CYB5R4: variants seen among roughly 807,000 people sequenced by gnomAD.
CYB5R4 encodes the protein cytochrome b5 reductase 4.
In CYB5R4, 55 loss-of-function variants were observed where a neutral mutation model predicts 70.2. That is an observed-to-expected ratio of 0.78 (90% CI 0.63 to 0.98). The LOEUF is 0.98. Ranked by LOEUF, CYB5R4 falls within the 50% of genes least tolerant of loss-of-function variation. The pLI is 0.00. For synonymous variants in CYB5R4, 197 were observed against 199.5 expected (o/e 0.99, Z 0.11); for missense variants, 562 against 612.6 (o/e 0.92, Z 0.87).
chr6:83,918,160 GCTTA>G (rs1321999953), intron 6 of CYB5R4, 95 bp downstream of exon 6: 8 of 863,644 alleles, frequency 9.3e-6, no homozygotes, highest in African/African-American at 5.1e-5. Context: ...TTGATTTATT[GCTTA>G]CTGTTAGTCA....
intron 2 of CYB5R4, among the ~76,000 whole-genome samples, chr6:83,865,952 T>G (rs892752993): frequency 7.2e-5 from 11 of 152,212 alleles, no homozygotes; most frequent in African/African-American, 2.7e-4. Flanking sequence ...TTTGACATTT[T>G]ATAGGGTTTT....
At chr6:83,900,493 C>T (rs886927820) in intron 3 of CYB5R4, among the ~76,000 whole-genome samples, 1 of 152,144 alleles carries the variant, frequency 6.6e-6, no homozygotes, top group Non-Finnish European at 1.5e-5. Context: ...CCACTTGGTG[C>T]AGAGCTGAGT....
intron 14 of CYB5R4, among the ~76,000 whole-genome samples, chr6:83,952,627 T>A (rs1222021802): frequency 6.6e-6 from 1 of 152,110 alleles, no homozygotes. Context: ...TAACTAAAAA[T>A]AAACCCATTA....
At chr6:83,897,942 A>G (rs150049636) in intron 3 of CYB5R4, among the ~76,000 whole-genome samples, 1,919 of 151,980 alleles carry the variant, frequency 0.013, 44 homozygotes, top group African/African-American at 0.044. Context: ...ATTGCTTTTG[A>G]TGTTTTAGAC....
rs1225057301 is a variant in CYB5R4 at position 83,910,143 on chromosome 6, A to G, written c.412+1053A>G. 7 of 1,596,194 alleles carry G rather than the reference A, an allele frequency of 4.4e-6. No individual in the cohort carries two copies. The East Asian group carries it at 1.1e-4, about 25-fold the overall frequency. On this transcript the variant is annotated intron_variant, in intron 4 of 15. Coordinates refer to ENST00000369681, the MANE Select transcript of CYB5R4 (RefSeq NM_016230.4). The stretch of plus-strand genomic sequence containing the variant: ...ATAGTGGGCTGAGACATTACTTTCA[A>G]AGATTTCTTTTACTGTCACAGCACT...
Position 83,966,364 on chromosome 6 carries a change from GA to G in CYB5R4, c.*6490del, listed in dbSNP as rs2099474072. On this transcript the variant is annotated 3_prime_UTR_variant, in exon 16 of 16. Transcript: ENST00000369681. ...AGAGGAAATACATATTATATAAGAA[GA>G]AAAGAGTAAAAATAAATCTTTAAAA... The G allele has an allele frequency of 6.6e-6, 1 of 152,004 alleles. No homozygotes were observed. The highest frequency in any genetic ancestry group is 2.4e-5 in the African/African-American group (1 of 41,408). The allele number at this position is 152,004 out of a possible 1,614,324, so 9.4% of individuals were successfully genotyped here.
At chr6:83,903,172 T>A (rs2099463265) in intron 3 of CYB5R4, among the ~76,000 whole-genome samples, 1 of 152,138 alleles carries the variant, frequency 6.6e-6, no homozygotes, top group South Asian at 2.1e-4. Flanking sequence ...ATATGGCCTT[T>A]TATTATTTTG....
intron 3 of CYB5R4, among the ~76,000 whole-genome samples, chr6:83,895,733 A>G (rs1295330508): frequency 6.6e-6 from 1 of 152,170 alleles, no homozygotes; most frequent in Admixed American, 6.5e-5. Flanking sequence ...TTAAAACAAT[A>G]TTTACTAGAT....
chr6:83,880,795 A>T (rs2099459318), intron 2 of CYB5R4, among the ~76,000 whole-genome samples: 1 of 152,134 alleles, frequency 6.6e-6, no homozygotes, highest in Non-Finnish European at 1.5e-5. Flanking sequence ...CCTTTATCAC[A>T]TTCTGTTTAT....
intron 4 of CYB5R4, among the ~76,000 whole-genome samples, chr6:83,913,802 A>C (rs903433354): frequency 2.0e-4 from 30 of 152,164 alleles, no homozygotes; most frequent in African/African-American, 5.8e-4. Flanking sequence ...TTTGACTATA[A>C]TGGTATAACA....
intron 14 of CYB5R4, among the ~76,000 whole-genome samples, chr6:83,943,121 C>T (rs1381210923): frequency 4.6e-5 from 7 of 152,130 alleles, no homozygotes; most frequent in East Asian, 1.9e-4. Context: ...GCTAAGTGAC[C>T]GACTGCCTCC....
At chr6:83,867,983 G>A (rs1588558090) in intron 2 of CYB5R4, among the ~76,000 whole-genome samples, 1 of 152,172 alleles carries the variant, frequency 6.6e-6, no homozygotes, top group East Asian at 1.9e-4. Context: ...TCAGACCTCA[G>A]TTAGAACCTG....
chr6:83,946,025 AC>A (rs2099470558), intron 14 of CYB5R4, among the ~76,000 whole-genome samples: 1 of 152,206 alleles, frequency 6.6e-6, no homozygotes, highest in South Asian at 2.1e-4. Context: ...TCCTTCTGAA[AC>A]TATTCCAAAC....
chr6:83,951,913 G>A (rs1182154281), intron 14 of CYB5R4, among the ~76,000 whole-genome samples: 1 of 152,174 alleles, frequency 6.6e-6, no homozygotes, highest in East Asian at 1.9e-4. Context: ...GTGTAAAAGT[G>A]TTCCTGTTTC....
intron 2 of CYB5R4, among the ~76,000 whole-genome samples, chr6:83,868,763 G>A (rs2099457124): frequency 6.6e-6 from 1 of 152,180 alleles, no homozygotes; most frequent in African/African-American, 2.4e-5. Context: ...GAGTTCTTCT[G>A]TCAAGCCTAG....
chr6:83,876,635 C>G (rs138537830), intron 2 of CYB5R4, among the ~76,000 whole-genome samples: 8 of 151,888 alleles, frequency 5.3e-5, no homozygotes, highest in African/African-American at 1.9e-4. Flanking sequence ...TTTTCTGTGC[C>G]TTATGCTGTT....
At chr6:83,865,318 A>G (rs1013791105) in intron 2 of CYB5R4, among the ~76,000 whole-genome samples, 1 of 152,148 alleles carries the variant, frequency 6.6e-6, no homozygotes, top group Middle Eastern at 3.2e-3. Flanking sequence ...TTAATTTCCT[A>G]TGGATGCCGT....
At chr6:83,937,152 G>A (rs982589706) in intron 12 of CYB5R4, among the ~76,000 whole-genome samples, 2 of 152,084 alleles carry the variant, frequency 1.3e-5, no homozygotes, top group South Asian at 4.1e-4. Context: ...GCGGGCGCCT[G>A]TAATCCCAGC....
At chr6:83,860,277 G>A (rs2099455724) in intron 1 of CYB5R4, among the ~76,000 whole-genome samples, 2 of 152,108 alleles carry the variant, frequency 1.3e-5, no homozygotes, top group Non-Finnish European at 1.5e-5. Context: ...TCCCTCGCAG[G>A]AGGGAAAGGC....
Sources: allele counts gnomAD v4.1 joint callset (sites outside exome capture counted in the v4.1 genomes callset), GRCh38; gene constraint gnomAD v4.1.1; transcripts MANE v1.5; gene names NCBI Gene and HGNC (gene_info 2026-07-23, HGNC 2026-07-21).